The following SPATA13 variants were observed in gnomAD, a reference collection of about 807,000 sequenced individuals.
SPATA13 encodes the protein spermatogenesis-associated protein 13.
Under a neutral mutation model 104.0 loss-of-function variants are expected in SPATA13, and 50 were observed. The observed-to-expected ratio is 0.48, with a 90% CI of 0.38 to 0.61. SPATA13 has a LOEUF of 0.61. SPATA13 is among the 20% of genes least tolerant of loss of function. The probability of loss-of-function intolerance (pLI) is 0.00; values close to 1 mark genes in which losing one functional copy is unlikely to be tolerated. For synonymous variants in SPATA13, 606 were observed against 667.5 expected (o/e 0.91, Z 1.42); for missense variants, 1,524 against 1,690.6 (o/e 0.90, Z 1.73).
intron 2 of SPATA13, among the ~76,000 whole-genome samples, chr13:23,998,766 G>C (rs967314850): frequency 7.2e-5 from 11 of 152,128 alleles, no homozygotes; most frequent in African/African-American, 2.7e-4. Flanking sequence ...CTGAGATATG[G>C]ATTCAGGTTC....
intron 4 of SPATA13, chr13:24,278,883 TC>T: frequency 1.3e-6 from 1 of 762,316 alleles, no homozygotes; most frequent in Non-Finnish European, 1.9e-6. Context: ...TTTCCTTCCT[TC>T]CTTCCTTCCT....
Position 24,302,729 on chromosome 13 carries a change from C to A in SPATA13, c.3790C>A (p.Leu1264Ile). The change falls in exon 13 of 13, where the codon CTC (leucine) becomes ATC (isoleucine). Residue 1264 changes from leucine (L) to isoleucine (I), a missense_variant. Transcript: ENST00000382108. The stretch of plus-strand genomic sequence containing the variant: ...GGCGGAACCCAAGAGGAAGTCCTCG[C>A]TCTTCTGGCACACCTTCAACAGGCT... ...GLAEPKRKSS[L>I]FWHTFNRLTP... 1 of 1,614,164 alleles carries A rather than the reference C, an allele frequency of 6.2e-7. No individual in the cohort carries two copies. The highest frequency in any genetic ancestry group is 8.5e-7 in the Non-Finnish European group (1 of 1,180,040).
chr13:24,216,776 C>T (rs1043529515), intron 1 of SPATA13, among the ~76,000 whole-genome samples: 1 of 152,166 alleles, frequency 6.6e-6, no homozygotes, highest in African/African-American at 2.4e-5. Context: ...TATGGCTGGG[C>T]ATGGTGGCTC....
At chr13:24,080,696 A>G (rs1217563685) in intron 3 of SPATA13, among the ~76,000 whole-genome samples, 1 of 152,132 alleles carries the variant, frequency 6.6e-6, no homozygotes. Context: ...TGTATGACAT[A>G]TTGTACACCT....
At chr13:24,295,589 G>A (rs1410739290) in intron 10 of SPATA13, among the ~76,000 whole-genome samples, 2 of 151,954 alleles carry the variant, frequency 1.3e-5, no homozygotes, top group East Asian at 3.9e-4. Flanking sequence ...TCTAGTCTGG[G>A]TGACAGAGCA....
chr13:24,253,314 A>G (rs1014907383), intron 4 of SPATA13: 3 of 152,238 alleles, frequency 2.0e-5, no homozygotes, highest in Non-Finnish European at 4.4e-5. Context: ...ATGACACTCT[A>G]ATGAACAGGA....
chr13:24,128,612 C>CG (rs1191410210), intron 3 of SPATA13, among the ~76,000 whole-genome samples: 2 of 152,046 alleles, frequency 1.3e-5, no homozygotes, highest in East Asian at 3.9e-4. Flanking sequence ...CCCCAGAAAT[C>CG]TGCATTCTAA....
chr13:24,166,479 A>C (rs1310741488), intron 1 of SPATA13, among the ~76,000 whole-genome samples: 1 of 152,116 alleles, frequency 6.6e-6, no homozygotes, highest in African/African-American at 2.4e-5. Context: ...AGAGGTGAGG[A>C]GATGGGCTCC....
At chr13:24,071,676 A>T (rs999721263) in intron 3 of SPATA13, among the ~76,000 whole-genome samples, 2 of 152,166 alleles carry the variant, frequency 1.3e-5, no homozygotes, top group Non-Finnish European at 2.9e-5. Flanking sequence ...ATCACATCAG[A>T]TTTAATGTTC....
At chr13:23,997,450 C>A (rs1002738578) in intron 2 of SPATA13, among the ~76,000 whole-genome samples, 6 of 152,172 alleles carry the variant, frequency 3.9e-5, no homozygotes. Flanking sequence ...ACTATGAAAT[C>A]TTTTTACTTC....
intron 9 of SPATA13, 108 bp from the exon 10 acceptor site, chr13:24,294,631 C>A: frequency 8.1e-7 from 1 of 1,234,248 alleles, no homozygotes; most frequent in Non-Finnish European, 1.1e-6. Context: ...GTAAATGTCA[C>A]TTTGTCTAGA....
intron 11 of SPATA13, among the ~76,000 whole-genome samples, chr13:24,298,611 TGCAGCCCAAG>T (rs1170304738): frequency 6.6e-6 from 1 of 152,198 alleles, no homozygotes; most frequent in Admixed American, 6.5e-5. Flanking sequence ...TATTCATCTC[TGCAGCCCAAG>T]TGAGCCCAGC....
chr13:24,182,486 G>T (rs559095237), intron 1 of SPATA13, among the ~76,000 whole-genome samples: 29 of 88,484 alleles, frequency 3.3e-4, no homozygotes, highest in South Asian at 1.9e-3. Flanking sequence ...GAGGAAGTGA[G>T]AGAGAGACAG....
chr13:24,052,937 C>T (rs1878412387), intron 3 of SPATA13, among the ~76,000 whole-genome samples: 1 of 147,792 alleles, frequency 6.8e-6, no homozygotes, highest in Non-Finnish European at 1.5e-5. Flanking sequence ...TATTTTGGGA[C>T]TGGGAACCTT....
At chr13:24,283,263 C>T (rs769021824) in intron 4 of SPATA13, among the ~76,000 whole-genome samples, 10 of 152,166 alleles carry the variant, frequency 6.6e-5, no homozygotes, top group South Asian at 2.1e-4. Flanking sequence ...CATCAGAATT[C>T]GGGTTTTATT....
chr13:24,121,858 C>T (rs549888405), intron 3 of SPATA13, among the ~76,000 whole-genome samples: 2 of 152,212 alleles, frequency 1.3e-5, no homozygotes, highest in East Asian at 1.9e-4. Context: ...AAGGTACCTC[C>T]CATCCCCCTC....
At chr13:24,118,527 G>C (rs1432629130) in intron 3 of SPATA13, among the ~76,000 whole-genome samples, 1 of 152,162 alleles carries the variant, frequency 6.6e-6, no homozygotes, top group East Asian at 1.9e-4. Context: ...CTTGTAGCCT[G>C]CATCAGTCTC....
At chr13:24,096,865 A>T (rs1290487661) in intron 3 of SPATA13, among the ~76,000 whole-genome samples, 1 of 152,210 alleles carries the variant, frequency 6.6e-6, no homozygotes, top group Non-Finnish European at 1.5e-5. Context: ...TGTGGAGGCC[A>T]CACAGAGGAC....
chr13:24,079,920 C>G (rs1012825758), intron 3 of SPATA13, among the ~76,000 whole-genome samples: 7 of 152,182 alleles, frequency 4.6e-5, no homozygotes, highest in Non-Finnish European at 1.0e-4. Flanking sequence ...GTGTCCCAAC[C>G]AGCATATCTG....
Sources: gnomAD v4.1 joint callset for allele counts (sites outside exome capture counted in the v4.1 genomes callset) on GRCh38, gnomAD v4.1.1 for gene constraint, MANE v1.5 for transcripts, NCBI Gene and HGNC (gene_info 2026-07-23, HGNC 2026-07-21) for gene names.